The following SASH1 variants were observed in gnomAD, a reference collection of about 807,000 sequenced individuals.
SASH1 encodes SAM and SH3 domain-containing protein 1.
In SASH1, 44 loss-of-function variants were observed where a neutral mutation model predicts 125.2. That is an observed-to-expected ratio of 0.35 (90% CI 0.28 to 0.45). SASH1 has a LOEUF of 0.45. SASH1 is among the 20% of genes least tolerant of loss of function. The pLI, the probability that SASH1 is intolerant of heterozygous loss-of-function variation, is 1.00. For missense variants in SASH1, 1,426 were observed against 1,614.5 expected, an observed-to-expected ratio of 0.88 and a Z score of 2.00; for synonymous variants, 639 against 649.1, an observed-to-expected ratio of 0.98 and a Z score of 0.24.
intron 1 of SASH1, among the ~76,000 whole-genome samples, chr6:148,387,677 T>C (rs184249511): frequency 3.4e-4 from 42 of 123,036 alleles, no homozygotes; most frequent in African/African-American, 1.4e-3. Context: ...TCTTTCTTTC[T>C]TTCTTTCTTT....
At chr6:148,388,749 A>G (rs1250366657) in intron 1 of SASH1, among the ~76,000 whole-genome samples, 1 of 152,268 alleles carries the variant, frequency 6.6e-6, no homozygotes, top group Non-Finnish European at 1.5e-5. Context: ...TTCAACTCCC[A>G]AGCCCTGCTT....
At chr6:148,474,026 C>A in intron 6 of SASH1, 84 bp from the exon 7 acceptor site, 2 of 859,106 alleles carry the variant, frequency 2.3e-6, no homozygotes, top group Non-Finnish European at 3.8e-6. Context: ...TCTTCTCTAG[C>A]CCGAGACAGC....
intron 1 of SASH1, among the ~76,000 whole-genome samples, chr6:148,326,338 A>G (rs1465272562): frequency 5.4e-5 from 4 of 74,088 alleles, no homozygotes; most frequent in Admixed American, 1.7e-4. Context: ...ATATATATAT[A>G]TATATATATA....
At chr6:148,326,323 C>CATATGTATATATATAT (rs71004286) in intron 1 of SASH1, among the ~76,000 whole-genome samples, 15 of 9,826 alleles carry the variant, frequency 1.5e-3, no homozygotes, top group African/African-American at 5.7e-3. Flanking sequence ...CCACCGCATG[C>CATATGTATATATATAT]ATATATATAT....
At chr6:148,324,970 G>A (rs4273705) in intron 1 of SASH1, among the ~76,000 whole-genome samples, 138,797 of 152,274 alleles carry the variant, frequency 0.91, 63,290 homozygotes, top group Middle Eastern at 0.94. Flanking sequence ...TGCCAGCCAC[G>A]TGTGCACTGA....
At chr6:148,471,292 T>G in intron 5 of SASH1, 125 bp from the exon 6 acceptor site, 1 of 647,418 alleles carries the variant, frequency 1.5e-6, no homozygotes, top group Non-Finnish European at 2.6e-6. Flanking sequence ...AAAACTGTCC[T>G]TTTGTGAAAT....
At chr6:148,538,245 A>G (rs76560705) in intron 16 of SASH1, among the ~76,000 whole-genome samples, 11,206 of 152,248 alleles carry the variant, frequency 0.074, 519 homozygotes, top group Middle Eastern at 0.13. Flanking sequence ...ACATACTTCC[A>G]TGCTGCAGTA....
At chr6:148,381,938 C>T (rs1183965325) in intron 1 of SASH1, among the ~76,000 whole-genome samples, 1 of 152,100 alleles carries the variant, frequency 6.6e-6, no homozygotes, top group Non-Finnish European at 1.5e-5. Flanking sequence ...TGCCCAGCCT[C>T]TTCTGTGCTC....
chr6:148,232,102 C>T, the SASH1 span, among the ~76,000 whole-genome samples: 1 of 152,030 alleles, frequency 6.6e-6, no homozygotes, highest in Admixed American at 6.6e-5. Context: ...TCGGTATGAT[C>T]TGGACAAGAG....
chr6:148,363,409 C>CT (rs909353517), intron 1 of SASH1, among the ~76,000 whole-genome samples: 29 of 148,642 alleles, frequency 2.0e-4, no homozygotes, highest in African/African-American at 2.5e-4. Context: ...CCCAACACTT[C>CT]TTTTTTTTTT....
At chr6:148,389,928 T>C (rs1439553334) in intron 1 of SASH1, among the ~76,000 whole-genome samples, 2 of 152,142 alleles carry the variant, frequency 1.3e-5, no homozygotes, top group Non-Finnish European at 2.9e-5. Context: ...TGTTTACCCA[T>C]CAATATAAGT....
chr6:148,238,844 C>G, the SASH1 span, among the ~76,000 whole-genome samples: 2 of 152,154 alleles, frequency 1.3e-5, no homozygotes, highest in African/African-American at 4.8e-5. Context: ...CCTCCATTCC[C>G]GGTGAGTTGG....
intron 1 of SASH1, among the ~76,000 whole-genome samples, chr6:148,310,788 A>G (rs1295319610): frequency 1.3e-5 from 2 of 152,204 alleles, no homozygotes; most frequent in Non-Finnish European, 2.9e-5. Flanking sequence ...TTTAAAAACA[A>G]CAAAATAACT....
At chr6:148,266,983 G>C in the SASH1 span, among the ~76,000 whole-genome samples, 2 of 152,054 alleles carry the variant, frequency 1.3e-5, no homozygotes, top group African/African-American at 4.8e-5. Context: ...TAGAGAGTGA[G>C]GTAGTAGCAT....
At chr6:148,275,768 C>G (rs1779167066) in intron 1 of SASH1, among the ~76,000 whole-genome samples, 1 of 152,192 alleles carries the variant, frequency 6.6e-6, no homozygotes, top group Non-Finnish European at 1.5e-5. Context: ...GTCACCCAAG[C>G]TGGAATGCAG....
At chr6:148,238,876 C>T in the SASH1 span, among the ~76,000 whole-genome samples, 12 of 152,104 alleles carry the variant, frequency 7.9e-5, no homozygotes, top group African/African-American at 2.9e-4. Context: ...TATGGGTAAG[C>T]TCAAAAATAG....
At chr6:148,534,626 C>A (rs1781729935) in intron 15 of SASH1, 125 bp from the exon 16 acceptor site, 2 of 919,366 alleles carry the variant, frequency 2.2e-6, no homozygotes, top group Non-Finnish European at 3.5e-6. Context: ...ATGATACTTA[C>A]TAATCTTTTG....
chr6:148,417,570 C>T (rs975442294), intron 2 of SASH1, among the ~76,000 whole-genome samples: 4 of 108,840 alleles, frequency 3.7e-5, no homozygotes, highest in Non-Finnish European at 4.1e-5. Context: ...GGCAATAGAG[C>T]GGGACTCTGT....
intron 1 of SASH1, among the ~76,000 whole-genome samples, chr6:148,326,479 A>T (rs1021789224): frequency 5.6e-5 from 8 of 143,876 alleles, no homozygotes; most frequent in African/African-American, 2.1e-4. Flanking sequence ...ATCTCGGCTC[A>T]CTGCAACCAC....
Sources: gnomAD v4.1 joint callset for allele counts (sites outside exome capture counted in the v4.1 genomes callset) on GRCh38, gnomAD v4.1.1 for gene constraint, MANE v1.5 for transcripts, NCBI Gene and HGNC (gene_info 2026-07-23, HGNC 2026-07-21) for gene names.